TICAM2: variants seen among roughly 807,000 people sequenced by gnomAD.
TICAM2 encodes the protein TIR domain containing adaptor molecule 2, also known as TIR domain-containing adapter molecule 2.
Under a neutral mutation model 7.3 loss-of-function variants are expected in TICAM2, and 8 were observed. The observed-to-expected ratio is 1.10, with a 90% CI of 0.65 to 1.99. TICAM2 has a LOEUF of 1.99. TICAM2 is among the 30% of genes most tolerant of loss of function. TICAM2 has a pLI of 0.00. For synonymous variants in TICAM2, 113 were observed against 99.6 expected (o/e 1.13, Z -0.80); for missense variants, 304 against 278.8 (o/e 1.09, Z -0.65).
chr5:115,579,223 T>C lies in TICAM2; in HGVS notation c.*1326A>G, dbSNP rs576350490. On this transcript the variant is annotated 3_prime_UTR_variant, in exon 2 of 2. Transcript: ENST00000427199. ...CATATATAAAGCCTTCTGCAACTAT[T>C]ACATATCACTTTATCGAATCCAAAC... 20 of 152,764 alleles carry C rather than the reference T, an allele frequency of 1.3e-4. No homozygotes were observed. In the East Asian group the frequency reaches 3.9e-3, roughly 29 times the overall value. 9.5% of individuals were successfully genotyped at this position (152,764 alleles called of 1,614,324 possible). A position where few individuals can be genotyped will look rare whatever the true frequency, so the allele number is the denominator to read the frequency against.
intron 1 of TICAM2, among the ~76,000 whole-genome samples, chr5:115,598,164 G>A (rs1755584259): frequency 6.6e-6 from 1 of 151,954 alleles, no homozygotes. Context: ...GTCAATAATT[G>A]TCAACAATTA....
chr5:115,600,062 C>A (rs1352720244), intron 1 of TICAM2, among the ~76,000 whole-genome samples: 1 of 152,068 alleles, frequency 6.6e-6, no homozygotes, highest in Non-Finnish European at 1.5e-5. Flanking sequence ...GTGGGCAGAT[C>A]TGGGTAGAGT....
rs1056702214 is a variant in TICAM2 at position 115,580,700 on chromosome 5, G to A, written c.557C>T (p.Pro186Leu). Reference sequence around the variant, plus strand: ...GGCATTGATGGTTTGGAGGGCAAAGGGAGTCCTTTCTCGGGGAAGGGGATT... The same window carrying A: ...GGCATTGATGGTTTGGAGGGCAAAGAGAGTCCTTTCTCGGGGAAGGGGATT... The part of the protein sequence containing the change: ...LNNPLPRERT[P>L]FALQTINALE... Residue 186 changes from proline (P) to leucine (L), a missense_variant, in exon 2 of 2, where the codon CCC becomes CTC. Transcript: ENST00000427199. The A allele has an allele frequency of 6.3e-7, 1 of 1,596,914 alleles. No individual in the cohort carries two copies. The highest frequency in any genetic ancestry group is 1.8e-5 in the Admixed American group (1 of 56,234).
intron 1 of TICAM2, among the ~76,000 whole-genome samples, chr5:115,585,822 AGAATAGAAGGCAG>A (rs1285108688): frequency 1.6e-4 from 24 of 152,296 alleles, no homozygotes; most frequent in African/African-American, 3.8e-4. Flanking sequence ...TGCTGCACTG[AGAATAGAAGGCAG>A]GAATAGAAGG....
At position 115,579,434 on chromosome 5, in the gene TICAM2, GGGC is replaced by G; in HGVS notation, c.*1112_*1114del. The G allele has an allele frequency of 6.6e-6, 1 of 152,296 alleles. No individual in the cohort carries two copies. The highest frequency in any genetic ancestry group is 1.9e-4 in the East Asian group (1 of 5,178). 9.4% of individuals were successfully genotyped at this position (152,296 alleles called of 1,614,324 possible). On this transcript the variant is annotated 3_prime_UTR_variant, in exon 2 of 2. Transcript: ENST00000427199. The stretch of plus-strand genomic sequence containing the variant: ...GAACCAAGTCTCATGATCCCGAAGA[GGGC>G]TTTTCTCATTACATGACATGACCCA...
chr5:115,582,499 T>G (rs1249798962), intron 1 of TICAM2, among the ~76,000 whole-genome samples: 2 of 152,038 alleles, frequency 1.3e-5, no homozygotes, highest in Non-Finnish European at 2.9e-5. Context: ...TTTAAAAAAA[T>G]TCTAAATTCA....
At chr5:115,598,810 C>A (rs867072858) in intron 1 of TICAM2, among the ~76,000 whole-genome samples, 2 of 151,996 alleles carry the variant, frequency 1.3e-5, no homozygotes, top group African/African-American at 4.8e-5. Context: ...ACATACGCTA[C>A]TGATAACAGA....
Position 115,580,196 on chromosome 5 carries a change from A to T in TICAM2, c.*353T>A, listed in dbSNP as rs1754865455. On this transcript the variant is annotated 3_prime_UTR_variant, in exon 2 of 2. Coordinates refer to ENST00000427199, the MANE Select transcript of TICAM2 (RefSeq NM_021649.7). ...TTTTTTCTGTGTCCTTTGAGATCAA[A>T]ATTCAGAGAATAAAAGTGTTGTCAC... The T allele has an allele frequency of 5.7e-6, 1 of 174,568 alleles. No homozygotes were observed. The highest frequency in any genetic ancestry group is 2.4e-5 in the African/African-American group (1 of 42,214). The allele number at this position is 174,568 out of a possible 1,614,324, so 10.8% of individuals were successfully genotyped here.
Position 115,602,294 on chromosome 5 carries a change from A to C in TICAM2, c.-257T>G, listed in dbSNP as rs1226582502. 3.3e-5 allele frequency: 5 copies of C among 152,306 alleles called. No individual in the cohort carries two copies. The highest frequency in any genetic ancestry group is 9.6e-5 in the African/African-American group (4 of 41,476). 9.4% of individuals were successfully genotyped at this position (152,306 alleles called of 1,614,324 possible). On this transcript the variant is annotated 5_prime_UTR_variant, in exon 1 of 2. Transcript: ENST00000427199. Reference sequence around the variant, plus strand: ...CGCTTGCAGAGCCCGGACGCGCGTGAGTCGGGGGCCCGCAGAGGCCTCACC... The same window carrying C: ...CGCTTGCAGAGCCCGGACGCGCGTGCGTCGGGGGCCCGCAGAGGCCTCACC...
chr5:115,594,810 C>T (rs2127203613), intron 1 of TICAM2, among the ~76,000 whole-genome samples: 1 of 152,308 alleles, frequency 6.6e-6, no homozygotes, highest in South Asian at 2.1e-4. Flanking sequence ...CATAAATACC[C>T]TTGCAGCCTG....
chr5:115,592,821 G>A (rs894291382), intron 1 of TICAM2, among the ~76,000 whole-genome samples: 3 of 152,176 alleles, frequency 2.0e-5, no homozygotes, highest in African/African-American at 7.2e-5. Flanking sequence ...TTTATTTTAG[G>A]AATGCAAGGT....
chr5:115,585,213 G>C (rs1256037183), intron 1 of TICAM2, among the ~76,000 whole-genome samples: 1 of 152,174 alleles, frequency 6.6e-6, no homozygotes, highest in Non-Finnish European at 1.5e-5. Flanking sequence ...TGGGCACATA[G>C]TAAGTACTCA....
At chr5:115,601,754 C>G (rs1313523379) in intron 1 of TICAM2, among the ~76,000 whole-genome samples, 3 of 152,206 alleles carry the variant, frequency 2.0e-5, no homozygotes, top group Admixed American at 1.3e-4. Context: ...AGCACTGGCT[C>G]TGTGTGCCTG....
intron 1 of TICAM2, among the ~76,000 whole-genome samples, chr5:115,601,177 G>A (rs935433030): frequency 6.6e-6 from 1 of 152,144 alleles, no homozygotes; most frequent in Non-Finnish European, 1.5e-5. Context: ...GGATTGATGG[G>A]CTGATAGGTG....
chr5:115,600,862 G>C (rs967630861), intron 1 of TICAM2, among the ~76,000 whole-genome samples: 1 of 152,186 alleles, frequency 6.6e-6, no homozygotes, highest in Non-Finnish European at 1.5e-5. Context: ...CCTAGAATGG[G>C]ATGTGTGGTC....
intron 1 of TICAM2, 113 bp from the exon 2 acceptor site, chr5:115,581,428 A>C: frequency 8.3e-7 from 1 of 1,200,396 alleles, no homozygotes; most frequent in Non-Finnish European, 1.1e-6. Flanking sequence ...AGATCCAAAT[A>C]CATAAACGAC....
At chr5:115,587,577 T>C (rs898619230) in intron 1 of TICAM2, among the ~76,000 whole-genome samples, 1 of 151,934 alleles carries the variant, frequency 6.6e-6, no homozygotes, top group African/African-American at 2.4e-5. Flanking sequence ...ATAGTGGAGG[T>C]AATGGGGATG....
At chr5:115,581,543 AG>A (rs1754923891) in intron 1 of TICAM2, among the ~76,000 whole-genome samples, 1 of 152,236 alleles carries the variant, frequency 6.6e-6, no homozygotes, top group Non-Finnish European at 1.5e-5. Flanking sequence ...TTAATATAAT[AG>A]GAGACATTCG....
At chr5:115,595,966 T>C (rs753868965) in intron 1 of TICAM2, among the ~76,000 whole-genome samples, 6 of 152,210 alleles carry the variant, frequency 3.9e-5, no homozygotes, top group Non-Finnish European at 4.4e-5. Flanking sequence ...CCCAGCACTC[T>C]TAATTTGTCT....
Sources: gnomAD v4.1 joint callset for allele counts (sites outside exome capture counted in the v4.1 genomes callset) on GRCh38, gnomAD v4.1.1 for gene constraint, MANE v1.5 for transcripts, NCBI Gene and HGNC (gene_info 2026-07-23, HGNC 2026-07-21) for gene names.